ABR: variants seen among roughly 807,000 people sequenced by gnomAD.
ABR encodes active breakpoint cluster region-related protein.
In ABR, 35 loss-of-function variants were observed where a neutral mutation model predicts 107.2. The ratio of observed to expected loss-of-function variants is 0.33; its 90% confidence interval spans 0.25 to 0.43. The LOEUF (loss-of-function observed/expected upper bound fraction) is 0.43, where lower values mean the gene tolerates loss of function less well. ABR is among the 20% of genes least tolerant of loss of function. The probability of loss-of-function intolerance (pLI) is 1.00; values close to 1 mark genes in which losing one functional copy is unlikely to be tolerated. For missense variants in ABR, 815 were observed against 1,115.2 expected, an observed-to-expected ratio of 0.73 and a Z score of 3.83; for synonymous variants, 498 against 462.0, an observed-to-expected ratio of 1.08 and a Z score of -1.00.
At chr17:1,224,910 G>A (rs2043185445) in intron 1 of ABR, among the ~76,000 whole-genome samples, 1 of 151,990 alleles carries the variant, frequency 6.6e-6, no homozygotes, top group Admixed American at 6.6e-5. Context: ...AGCACTTTGG[G>A]AGGCTGAGAT....
At position 1,010,749 on chromosome 17, in the gene ABR, G is replaced by A. The variant is rs1314604359; in HGVS notation, c.2216C>T (p.Pro739Leu). ...CTCACCGATGCCCTCCATGAAGGCT[G>A]GGTAGAGTCGGTCCGTGAGGAGCGG... Reference protein sequence around the residue: ...PEPLLTDRLYPAFMEGIALSD... With the variant: ...PEPLLTDRLYLAFMEGIALSD... The change falls in exon 20 of 23, where the codon CCA becomes CTA. Residue 739 changes from proline (P) to leucine (L), a missense_variant. Physicochemically the swap from Pro to Leu is moderately conservative, Grantham distance 98. This residue lies in a region of ABR where 175 missense variants were observed against 284.3 expected (regional missense o/e 0.62). Coordinates refer to ENST00000302538, the MANE Select transcript of ABR (RefSeq NM_021962.5). This position sits in a 1 kb window ranked among gnomAD's most constrained non-coding sequence, Gnocchi z 4.1. The A allele has an allele frequency of 2.5e-6, 4 of 1,613,644 alleles. No individual in the cohort carries two copies. Among genetic ancestry groups the A allele is most frequent in the African/African-American group, 2.7e-5 (2 of 74,932 alleles).
rs1044836571 is a variant in ABR at position 1,222,419 on chromosome 17, C to T, written c.838+6374G>A. ...ACAATAGGGATGGGAAAAAATTACT[C>T]TATCACAGCTGAGGCTGAAAATTCA... On this transcript the variant is annotated intron_variant, in intron 1 of 22. Coordinates refer to the ABR transcript ENST00000574139. 2.6e-5 allele frequency among the ~76,000 whole-genome samples: 4 copies of T among 152,106 alleles called. No homozygotes were observed. In the East Asian group the frequency reaches 7.7e-4, roughly 29 times the overall value.
At chr17:1,104,637 T>C (rs2038124047) in intron 2 of ABR, among the ~76,000 whole-genome samples, 1 of 152,186 alleles carries the variant, frequency 6.6e-6, no homozygotes, top group Non-Finnish European at 1.5e-5. Flanking sequence ...AGCATCAACC[T>C]CAGGACAACT....
chr17:1,146,800 C>CA (rs1332122423), intron 1 of ABR, among the ~76,000 whole-genome samples: 1 of 149,514 alleles, frequency 6.7e-6, no homozygotes, highest in African/African-American at 2.4e-5. Context: ...CACCATGCCA[C>CA]CACTGCCACC....
intron 1 of ABR, among the ~76,000 whole-genome samples, chr17:1,129,375 C>CTAAAAATACA (rs2039728809): frequency 3.7e-5 from 2 of 53,834 alleles, no homozygotes; most frequent in Non-Finnish European, 4.9e-5. Context: ...ATACTGGCTA[C>CTAAAAATACA]AAAAAAATTA....
chr17:1,155,540 C>T (rs1002726832), intron 1 of ABR, among the ~76,000 whole-genome samples: 2 of 152,076 alleles, frequency 1.3e-5, no homozygotes, highest in Non-Finnish European at 2.9e-5. Context: ...ACAGAGAGCA[C>T]GGGGGAACCG....
At chr17:1,152,811 A>G (rs1442363084) in intron 1 of ABR, among the ~76,000 whole-genome samples, 1 of 150,468 alleles carries the variant, frequency 6.6e-6, no homozygotes, top group Non-Finnish European at 1.5e-5. Context: ...ATTCTGACAC[A>G]GGCCGGGCGC....
chr17:1,052,158 G>A (rs2032635280), intron 14 of ABR, among the ~76,000 whole-genome samples: 1 of 152,002 alleles, frequency 6.6e-6, no homozygotes, highest in South Asian at 2.1e-4. Flanking sequence ...GCAACAGAAA[G>A]AAGACCCAGG....
chr17:1,031,995 C>T (rs1020804719), intron 16 of ABR, among the ~76,000 whole-genome samples: 2 of 151,246 alleles, frequency 1.3e-5, no homozygotes, highest in Admixed American at 6.6e-5. Context: ...GGCCCAGGGC[C>T]GCCCCTCCAA....
At chr17:1,166,665 C>A (rs528882986) in intron 1 of ABR, among the ~76,000 whole-genome samples, 4 of 152,210 alleles carry the variant, frequency 2.6e-5, no homozygotes, top group Non-Finnish European at 4.4e-5. Context: ...TCCTTCCCAT[C>A]CAGTGTGGGC....
intron 16 of ABR, among the ~76,000 whole-genome samples, chr17:1,024,096 G>A (rs1019998030): frequency 4.1e-5 from 6 of 147,722 alleles, no homozygotes; most frequent in South Asian, 2.2e-4. Flanking sequence ...CTCCCTGCCC[G>A]GGCCCAGAAC....
intron 16 of ABR, among the ~76,000 whole-genome samples, chr17:1,014,720 C>T (rs1319354684): frequency 1.3e-5 from 2 of 151,636 alleles, no homozygotes; most frequent in East Asian, 3.9e-4. Flanking sequence ...GTGGTGGGCG[C>T]CTGTAGTCCC....
chr17:1,094,823 T>G (rs771095325), intron 3 of ABR, among the ~76,000 whole-genome samples: 1 of 151,912 alleles, frequency 6.6e-6, no homozygotes, highest in African/African-American at 2.4e-5. Context: ...TACCAGGTCC[T>G]TGGAGAGCTG....
At chr17:1,216,001 A>C (rs9944477) in intron 1 of ABR, among the ~76,000 whole-genome samples, 49,428 of 121,628 alleles carry the variant, frequency 0.41, 11,689 homozygotes, top group East Asian at 0.8. Flanking sequence ...GTCATCACCA[A>C]TCCCTAATCT....
chr17:1,035,987 G>A (rs1056285946), intron 16 of ABR, among the ~76,000 whole-genome samples: 1 of 152,040 alleles, frequency 6.6e-6, no homozygotes, highest in African/African-American at 2.4e-5. Flanking sequence ...AAAGGCTGCA[G>A]TGGGGCTGCC....
At chr17:1,195,134 C>A (rs1276496817) in intron 1 of ABR, among the ~76,000 whole-genome samples, 1 of 144,378 alleles carries the variant, frequency 6.9e-6, no homozygotes, top group Non-Finnish European at 1.5e-5. Flanking sequence ...GGTGAAACCC[C>A]GTCTCTACTA....
intron 1 of ABR, among the ~76,000 whole-genome samples, chr17:1,168,594 G>A (rs1204384046): frequency 2.6e-5 from 4 of 152,220 alleles, no homozygotes; most frequent in South Asian, 2.1e-4. Context: ...ATGCCCCACT[G>A]AACCCACTGA....
At chr17:1,101,850 C>A (rs2037902312) in intron 2 of ABR, among the ~76,000 whole-genome samples, 3 of 151,966 alleles carry the variant, frequency 2.0e-5, no homozygotes. Flanking sequence ...TCTCCTGCCT[C>A]AGCCTCCCGA....
At position 1,146,710 on chromosome 17, in the gene ABR, CTGCCACTACTGCCACCAT is replaced by C. The variant is rs1302827272; in HGVS notation, c.62-21361_62-21344del. ...CGACACCACTGCCACCATGCCACCA[CTGCCACTACTGCCACCAT>C]TGCCACACGACACCACTGCCACCAC... On this transcript the variant is annotated intron_variant, in intron 1 of 22. Coordinates refer to ENST00000302538, the MANE Select transcript of ABR (RefSeq NM_021962.5). 6.0e-5 allele frequency among the ~76,000 whole-genome samples: 9 copies of C among 150,968 alleles called. No individual in the cohort carries two copies. The East Asian group carries it at 1.2e-3, about 20-fold the overall frequency.
Sources: gnomAD v4.1 joint callset for allele counts (sites outside exome capture counted in the v4.1 genomes callset) on GRCh38, gnomAD v4.1.1 for gene constraint, gnomAD v4.1.1 regional missense constraint, Gnocchi (gnomAD v3.1) non-coding constraint, MANE v1.5 for transcripts, NCBI Gene and HGNC (gene_info 2026-07-23, HGNC 2026-07-21) for gene names.